The following DACT1 variants were observed in gnomAD, a reference collection of about 807,000 sequenced individuals.
DACT1 encodes the protein dapper homolog 1.
Under a neutral mutation model 35.3 loss-of-function variants are expected in DACT1, and 19 were observed. The observed-to-expected ratio is 0.54, with a 90% CI of 0.38 to 0.79. The LOEUF (loss-of-function observed/expected upper bound fraction) is 0.79. DACT1 is among the 30% of genes least tolerant of loss of function. The pLI is 0.00. For missense variants in DACT1, 1,143 were observed against 1,057.5 expected (o/e 1.08, Z -1.12); for synonymous variants, 545 against 466.7 (o/e 1.17, Z -2.16).
In DACT1 at chr14:58,645,987, C is replaced by T. The variant is rs774490030; in HGVS notation, c.1253C>T (p.Thr418Met). 4.3e-6 allele frequency: 7 copies of T among 1,613,804 alleles called. No individual in the cohort carries two copies. In the East Asian group the frequency reaches 1.3e-4, roughly 31 times the overall value. ...CTTCAGAGTAAGCACCTGCCAAAAA[C>T]GGCCAAGCCAGCCTCGCAAGAACAT... ...SDLQSKHLPK[T>M]AKPASQEHAR... The change falls in exon 4 of 4, where the codon ACG becomes ATG. Residue 418 changes from threonine to methionine, a missense_variant. Transcript: ENST00000395153.
chr14:58,637,885 G>A (rs1261071528), upstream of DACT1, among the ~76,000 whole-genome samples: 2 of 151,560 alleles, frequency 1.3e-5, no homozygotes. Flanking sequence ...CGTCGCAGCC[G>A]AGGGGCCGGC....
Position 58,641,574 on chromosome 14 carries a change from C to T in DACT1, c.479-18C>T, listed in dbSNP as rs757506328. On this transcript the variant is annotated intron_variant, in intron 2 of 3. Transcript: ENST00000395153. ...TTTCTTGACATGATGTTAATTCCAA[C>T]GGTGTTTTTATTTGTAGGGTTTTAT... 150 of 1,606,232 alleles carry T rather than the reference C, an allele frequency of 9.3e-5. No homozygotes were observed. Among genetic ancestry groups the T allele is most frequent in the Non-Finnish European group, 1.2e-4 (142 of 1,176,820 alleles).
chr14:58,645,785 A>C lies in DACT1; in HGVS notation c.1051A>C (p.Asn351His). The C allele has an allele frequency of 1.2e-6, 2 of 1,614,256 alleles. No homozygotes were observed. Among genetic ancestry groups the C allele is most frequent in the Non-Finnish European group, 1.7e-6 (2 of 1,180,044 alleles). The change falls in exon 4 of 4, where the codon AAC (asparagine) becomes CAC (histidine). Residue 351 changes from asparagine (N) to histidine (H), a missense_variant. Physicochemically the swap from Asn to His is moderately conservative, Grantham distance 68. Around this residue, in one of 3 missense-constraint regions of DACT1, gnomAD observed 1,054 missense variants for 958.8 expected, o/e 1.10. Transcript: ENST00000395153. The stretch of plus-strand genomic sequence containing the variant: ...AGCCCCGGGCGGTGTCTCACAGGGC[A>C]ACAGTGTGAACCTTAAGAATTCGAA... The part of the protein sequence containing the change: ...VRAPGGVSQG[N>H]SVNLKNSKQA...
intron 1 of DACT1, chr14:58,639,074 C>G: frequency 3.0e-6 from 3 of 985,514 alleles, no homozygotes; most frequent in Non-Finnish European, 3.6e-6. Flanking sequence ...TCCGAGAGCT[C>G]TCCCCAGCAT....
chr14:58,646,230 C>T lies in DACT1; in HGVS notation c.1496C>T (p.Pro499Leu), dbSNP rs1355257589. The T allele has an allele frequency of 2.5e-6, 4 of 1,613,922 alleles. No homozygotes were observed. The African/African-American group carries it at 5.3e-5, about 22-fold the overall frequency. The change falls in exon 4 of 4, where the codon CCT (proline) becomes CTT (leucine). Residue 499 changes from proline (P) to leucine (L), a missense_variant. Pro to Leu is a moderately conservative substitution (Grantham distance 98). Transcript: ENST00000395153. ...LSTAFPVEER[P>L]ALDFKSEGSS... ...ACAGCTTTCCCCGTGGAAGAGAGGC[C>T]TGCCTTGGATTTCAAGAGCGAGGGC...
intron 1 of DACT1, chr14:58,638,850 C>G (rs1269154216): frequency 9.9e-6 from 11 of 1,110,170 alleles, no homozygotes; most frequent in Non-Finnish European, 1.2e-5. Flanking sequence ...TCGCCTAGTT[C>G]TAACGTTCGG....
chr14:58,645,337 A>G, intron 3 of DACT1, 32 bp from the exon 4 acceptor site: 1 of 1,614,166 alleles, frequency 6.2e-7, no homozygotes, highest in Non-Finnish European at 8.5e-7. Context: ...CCCTCTCCAC[A>G]CCACAATTTA....
In DACT1 at chr14:58,645,740, A is replaced by G; in HGVS notation, c.1006A>G (p.Asn336Asp). ...TGACCCCACGAAAGGGCTTCTGAGGAACGGGAGCGTTTGTGTCAGAGCCCC... is the reference window on the plus strand; with the variant it reads ...TGACCCCACGAAAGGGCTTCTGAGGGACGGGAGCGTTTGTGTCAGAGCCCC... ...NADPTKGLLR[N>D]GSVCVRAPGG... The change falls in exon 4 of 4, where the codon AAC becomes GAC. Residue 336 changes from asparagine to aspartate, a missense_variant. By Grantham distance (23) the Asn-to-Asp change is conservative. Coordinates refer to ENST00000395153, the MANE Select transcript of DACT1 (RefSeq NM_001079520.2). The G allele has an allele frequency of 6.2e-7, 1 of 1,614,180 alleles. No homozygotes were observed. The highest frequency in any genetic ancestry group is 8.5e-7 in the Non-Finnish European group (1 of 1,179,984).
intron 3 of DACT1, among the ~76,000 whole-genome samples, chr14:58,642,779 G>A (rs2047640227): frequency 1.3e-5 from 2 of 152,178 alleles, no homozygotes; most frequent in South Asian, 2.1e-4. Context: ...AGGGAGCAAT[G>A]GCCCTTTCAT....
At position 58,647,224 on chromosome 14, in the gene DACT1, A is replaced by C; in HGVS notation, c.*90A>C. 7.0e-7 allele frequency: 1 copy of C among 1,430,318 alleles called. No individual in the cohort carries two copies. 88.6% of individuals were successfully genotyped at this position (1,430,318 alleles called of 1,614,324 possible). ...AAGGTGGTGTTTTCATTTTTGTATA[A>C]TACTTTAATGGAATGCTTTTTAAAA... On this transcript the variant is annotated 3_prime_UTR_variant, in exon 4 of 4. Coordinates refer to ENST00000395153, the MANE Select transcript of DACT1 (RefSeq NM_001079520.2).
In DACT1 at chr14:58,638,036, G is replaced by A; in HGVS notation, c.-167G>A. 1.6e-6 allele frequency: 1 copy of A among 627,676 alleles called. No individual in the cohort carries two copies. The highest frequency in any genetic ancestry group is 2.2e-6 in the Non-Finnish European group (1 of 454,194). 38.9% of individuals were successfully genotyped at this position (627,676 alleles called of 1,614,324 possible). A position where few individuals can be genotyped will look rare whatever the true frequency, so the allele number is the denominator to read the frequency against. On this transcript the variant is annotated 5_prime_UTR_variant, in exon 1 of 4. Transcript: ENST00000395153. ...CGCTGCCCGGGCCGGGACAGCAGCAGCCGGCGGTCGCGCGCAGGACTCGAG... is the reference window on the plus strand; with the variant it reads ...CGCTGCCCGGGCCGGGACAGCAGCAACCGGCGGTCGCGCGCAGGACTCGAG...
Position 58,646,719 on chromosome 14 carries a change from G to C in DACT1, c.1985G>C (p.Arg662Pro). ...CTGAGGAGGGCCCGGCGCGGTCGCCGGGAGAATGTGGGGCTGTACCCCGCG... is the reference window on the plus strand; with the variant it reads ...CTGAGGAGGGCCCGGCGCGGTCGCCCGGAGAATGTGGGGCTGTACCCCGCG... The part of the protein sequence containing the change: ...EALRRARRGR[R>P]ENVGLYPAPV... Residue 662 changes from arginine (R) to proline (P), a missense_variant, in exon 4 of 4, where the codon CGG becomes CCG. By Grantham distance (103) the Arg-to-Pro change is moderately radical. Coordinates refer to ENST00000395153, the MANE Select transcript of DACT1 (RefSeq NM_001079520.2). 1.2e-6 allele frequency: 2 copies of C among 1,613,452 alleles called. No homozygotes were observed. The highest frequency in any genetic ancestry group is 1.7e-6 in the Non-Finnish European group (2 of 1,179,962).
intron 1 of DACT1, among the ~76,000 whole-genome samples, chr14:58,639,882 G>GTC (rs2047611065): frequency 6.6e-6 from 1 of 152,132 alleles, no homozygotes; most frequent in Non-Finnish European, 1.5e-5. Flanking sequence ...TTATTGTTTT[G>GTC]TGCAATTGCA....
chr14:58,639,597 T>C (rs937864501), intron 1 of DACT1, among the ~76,000 whole-genome samples: 2 of 151,998 alleles, frequency 1.3e-5, no homozygotes, highest in African/African-American at 4.8e-5. Flanking sequence ...GTGTGTGTGT[T>C]TTTAAGCACC....
upstream of DACT1, among the ~76,000 whole-genome samples, chr14:58,634,723 C>A (rs191426087): frequency 1.9e-3 from 284 of 152,340 alleles, 1 homozygote; most frequent in Non-Finnish European, 3.6e-3. Context: ...AAATGTGCAA[C>A]TGATGCCCCT....
In DACT1 at chr14:58,647,267, A is replaced by T. The variant is rs2047702294; in HGVS notation, c.*133A>T. ...TTTTAAAAAAATATAAAACCAAGGT[A>T]AATTATTGTTTCATCTTCACGTATG... On this transcript the variant is annotated 3_prime_UTR_variant, in exon 4 of 4. Transcript: ENST00000395153. The T allele has an allele frequency of 9.1e-7, 1 of 1,094,326 alleles. No homozygotes were observed. The highest frequency in any genetic ancestry group is 2.7e-5 in the Admixed American group (1 of 36,524). 67.8% of individuals were successfully genotyped at this position (1,094,326 alleles called of 1,614,324 possible). A position where few individuals can be genotyped will look rare whatever the true frequency, so the allele number is the denominator to read the frequency against.
Position 58,646,940 on chromosome 14 carries a change from A to G in DACT1, c.2206A>G (p.Thr736Ala), listed in dbSNP as rs1345175290. 6.2e-7 allele frequency: 1 copy of G among 1,611,034 alleles called. No individual in the cohort carries two copies. ...CGAGTTCGTGGGGGAGAGCACAACC[A>G]CCAGCGACTCTGAAGAAAGCGGGGG... Reference protein sequence around the residue: ...EGEFVGESTTTSDSEESGGLI... With the variant: ...EGEFVGESTTASDSEESGGLI... The change falls in exon 4 of 4, where the codon ACC (threonine) becomes GCC (alanine). Residue 736 changes from threonine to alanine, a missense_variant. Around this residue, in one of 3 missense-constraint regions of DACT1, gnomAD observed 1,054 missense variants for 958.8 expected, o/e 1.10. Transcript: ENST00000395153.
At chr14:58,634,405 C>CTT (rs1050609008), upstream of DACT1, among the ~76,000 whole-genome samples, 3 of 152,298 alleles carry the variant, frequency 2.0e-5, no homozygotes. Context: ...TTTTCTTGAT[C>CTT]TTTTGTTTCA....
At position 58,638,878 on chromosome 14, in the gene DACT1, G is replaced by C. The variant is rs1424332141; in HGVS notation, c.345+331G>C. 3.8e-6 allele frequency: 4 copies of C among 1,061,520 alleles called. No individual in the cohort carries two copies. In the South Asian group the frequency reaches 1.8e-4, roughly 48 times the overall value. 65.8% of individuals were successfully genotyped at this position (1,061,520 alleles called of 1,614,324 possible). On this transcript the variant is annotated intron_variant, in intron 1 of 3. Coordinates refer to ENST00000395153, the MANE Select transcript of DACT1 (RefSeq NM_001079520.2). ...ACGTTCGGTCTCCTTAGTTAGATGA[G>C]TATATGCCCTCTCCCCAGCGGTTTG...
Sources: gnomAD v4.1 joint callset for allele counts (sites outside exome capture counted in the v4.1 genomes callset) on GRCh38, gnomAD v4.1.1 for gene constraint, gnomAD v4.1.1 regional missense constraint, MANE v1.5 for transcripts, NCBI Gene and HGNC (gene_info 2026-07-23, HGNC 2026-07-21) for gene names.